DACH2: variants seen among roughly 807,000 people sequenced by gnomAD.
The protein encoded by DACH2 is dachshund family transcription factor 2.
Under a neutral mutation model 35.8 loss-of-function variants are expected in DACH2, and 17 were observed. The ratio of observed to expected loss-of-function variants is 0.48; its 90% confidence interval spans 0.33 to 0.71. The LOEUF is 0.71. DACH2 is among the 30% of genes least tolerant of loss of function. DACH2 has a pLI of 0.02. For synonymous variants in DACH2, 195 were observed against 177.3 expected (o/e 1.10, Z -0.79); for missense variants, 469 against 472.7 (o/e 0.99, Z 0.07).
intron 1 of DACH2, among the ~76,000 whole-genome samples, chrX:86,270,007 A>ATT (rs1424666152): frequency 3.1e-4 from 32 of 102,302 alleles, no homozygotes; most frequent in African/African-American, 1.1e-3. Flanking sequence ...TCATGTTTTA[A>ATT]TTATATATAT....
chrX:86,806,953 G>A lies in DACH2; in HGVS notation c.1241-5903G>A, dbSNP rs937576840. Among the ~76,000 whole-genome samples, 3 of 111,420 alleles carry A rather than the reference G, an allele frequency of 2.7e-5. No individual in the cohort carries two copies. The South Asian group carries it at 1.1e-3, about 42-fold the overall frequency. ...AGGGCTTTCTTTCCTATGCTTTGTGGGCGTTTTGCAACATCACTGGCCTCT... is the reference window on the plus strand; with the variant it reads ...AGGGCTTTCTTTCCTATGCTTTGTGAGCGTTTTGCAACATCACTGGCCTCT... On this transcript the variant is annotated intron_variant, in intron 7 of 11. Transcript: ENST00000373125.
chrX:86,615,893 T>A lies in DACH2; in HGVS notation c.641-35143T>A, dbSNP rs1384584743. 2.7e-5 allele frequency among the ~76,000 whole-genome samples: 3 copies of A among 110,812 alleles called. No individual in the cohort carries two copies. The Admixed American group carries it at 2.9e-4, about 11-fold the overall frequency. ...CCCAGGTACTAAGCATAGTATCCAA[T>A]AATTATTTTTTTTCTGATCCTCTCC... is the stretch of plus-strand genomic sequence containing the variant. On this transcript the variant is annotated intron_variant, in intron 3 of 11. Coordinates refer to ENST00000373125, the MANE Select transcript of DACH2 (RefSeq NM_053281.3).
rs189193436 is a variant in DACH2, at chrX:86,310,905, G to A, written c.489-65919G>A. Among the ~76,000 whole-genome samples, 17 of 111,155 alleles carry A rather than the reference G, an allele frequency of 1.5e-4. 1 individual carries two copies. Among genetic ancestry groups the A allele is most frequent in the South Asian group, 7.8e-4 (2 of 2,556 alleles). Reference sequence around the variant, plus strand: ...CACTCAGCCTCTTTCTCCAGCCACCGCTGTCATTGCCCAATGAGCCAATGA... The same window carrying A: ...CACTCAGCCTCTTTCTCCAGCCACCACTGTCATTGCCCAATGAGCCAATGA... On this transcript the variant is annotated intron_variant, in intron 1 of 11. Coordinates refer to ENST00000373125, the MANE Select transcript of DACH2 (RefSeq NM_053281.3).
intron 2 of DACH2, among the ~76,000 whole-genome samples, chrX:86,425,975 A>T (rs1179716394): frequency 9.0e-6 from 1 of 111,329 alleles, no homozygotes; most frequent in African/African-American, 3.3e-5. Context: ...CTCCTTTAGG[A>T]TGAAAAATTA....
At chrX:86,522,298 G>C (rs919102014) in intron 3 of DACH2, among the ~76,000 whole-genome samples, 4 of 110,860 alleles carry the variant, frequency 3.6e-5, no homozygotes, top group Non-Finnish European at 7.6e-5. Context: ...AAATATTTTG[G>C]GGTTATTTAG....
At chrX:86,401,168 C>A (rs960971001) in intron 2 of DACH2, among the ~76,000 whole-genome samples, 1 of 112,340 alleles carries the variant, frequency 8.9e-6, no homozygotes, top group African/African-American at 3.2e-5. Context: ...GGGTGTAGGA[C>A]CCTCCAAGCC....
intron 2 of DACH2, among the ~76,000 whole-genome samples, chrX:86,504,177 T>G (rs935330474): frequency 2.7e-5 from 3 of 110,688 alleles, no homozygotes; most frequent in African/African-American, 9.8e-5. Flanking sequence ...TTGAGTCAAA[T>G]CATTTTGGTA....
At position 86,367,908 on chromosome X, in the gene DACH2, G is replaced by A. The variant is rs755099181; in HGVS notation, c.489-8916G>A. 3.6e-5 allele frequency among the ~76,000 whole-genome samples: 4 copies of A among 111,251 alleles called. No homozygotes were observed. The South Asian group carries it at 1.1e-3, about 31-fold the overall frequency. The stretch of plus-strand genomic sequence containing the variant: ...TGGCTTTAGACTTTCTGTTGCACAC[G>A]TCCTTTCCTTTTGATTTTCATCTCC... On this transcript the variant is annotated intron_variant, in intron 1 of 11. Transcript: ENST00000373125.
chrX:86,485,009 A>T (rs975608401), intron 2 of DACH2, among the ~76,000 whole-genome samples: 19 of 111,862 alleles, frequency 1.7e-4, no homozygotes, highest in African/African-American at 5.8e-4. Context: ...CGTCCACTTT[A>T]TTCTTAGATA....
chrX:86,634,548 T>C (rs2040239850), intron 3 of DACH2, among the ~76,000 whole-genome samples: 1 of 111,190 alleles, frequency 9.0e-6, no homozygotes, highest in Non-Finnish European at 1.9e-5. Context: ...ATATTTAGAA[T>C]ACCAAAAGAC....
intron 11 of DACH2, chrX:86,831,813 T>TAATA (rs747828516): frequency 0.015 from 2,664 of 178,350 alleles, 65 homozygotes; most frequent in African/African-American, 0.075. Flanking sequence ...AAAAAAAAAG[T>TAATA]AATATAGATT....
intron 1 of DACH2, among the ~76,000 whole-genome samples, chrX:86,185,144 A>C (rs890597136): frequency 2.7e-5 from 3 of 111,791 alleles, no homozygotes; most frequent in Non-Finnish European, 5.6e-5. Flanking sequence ...GAAATATGGA[A>C]TATTAACCTG....
chrX:86,551,252 T>C (rs755666056), intron 3 of DACH2, among the ~76,000 whole-genome samples: 2 of 111,942 alleles, frequency 1.8e-5, no homozygotes, highest in Admixed American at 9.5e-5. Flanking sequence ...ATGATGTTCA[T>C]AGCCCTTGGT....
intron 7 of DACH2, among the ~76,000 whole-genome samples, chrX:86,749,878 C>T (rs2041753327): frequency 9.0e-6 from 1 of 111,351 alleles, no homozygotes; most frequent in Admixed American, 9.6e-5. Flanking sequence ...TTTCAGATTG[C>T]TCACTGCTGT....
rs376292254 is a variant in DACH2, at chrX:86,244,724, A to G, written c.488+95616A>G. ...CCTTGCCTGTAAAATGAAGAGAAAT[A>G]TTCACTGTTACTACCTTAAATATTT... On this transcript the variant is annotated intron_variant, in intron 1 of 11. Coordinates refer to ENST00000373125, the MANE Select transcript of DACH2 (RefSeq NM_053281.3). Among the ~76,000 whole-genome samples the G allele has an allele frequency of 2.4e-4, 27 of 112,372 alleles. 2 individuals are homozygous for G. In the East Asian group the frequency reaches 3.6e-3, roughly 15 times the overall value.
intron 11 of DACH2, among the ~76,000 whole-genome samples, chrX:86,822,047 AT>A (rs1400367987): frequency 9.0e-6 from 1 of 111,537 alleles, no homozygotes; most frequent in Non-Finnish European, 1.9e-5. Context: ...ATACAATACA[AT>A]TTTTTAAGCT....
intron 4 of DACH2, among the ~76,000 whole-genome samples, chrX:86,692,883 T>C (rs1269082551): frequency 8.9e-6 from 1 of 112,279 alleles, no homozygotes; most frequent in African/African-American, 3.2e-5. Flanking sequence ...ATTGGCCTAA[T>C]GTTTCTATAA....
intron 3 of DACH2, among the ~76,000 whole-genome samples, chrX:86,605,677 A>T (rs1263035655): frequency 9.1e-6 from 1 of 109,961 alleles, no homozygotes; most frequent in Non-Finnish European, 1.9e-5. Flanking sequence ...TATTCCAATT[A>T]TGCATATGTT....
intron 5 of DACH2, among the ~76,000 whole-genome samples, chrX:86,707,742 C>G (rs1440147884): frequency 9.3e-6 from 1 of 107,747 alleles, no homozygotes; most frequent in Admixed American, 1.0e-4. Context: ...TGCTGAAACC[C>G]CGTCTCTACT....
Sources: allele counts gnomAD v4.1 joint callset (sites outside exome capture counted in the v4.1 genomes callset), GRCh38; gene constraint gnomAD v4.1.1; transcripts MANE v1.5; gene names NCBI Gene and HGNC (gene_info 2026-07-23, HGNC 2026-07-21).